WRN: variants seen among roughly 807,000 people sequenced by gnomAD.
The protein encoded by WRN is WRN RecQ like helicase.
Under a neutral mutation model 180.7 loss-of-function variants are expected in WRN, and 149 were observed. That is an observed-to-expected ratio of 0.82 (90% CI 0.72 to 0.94). WRN has a LOEUF of 0.94. Among genes scored for constraint, WRN ranks in the 40% least tolerant of loss-of-function variants. The pLI, the probability that WRN is intolerant of heterozygous loss-of-function variation, is 0.00. For synonymous variants in WRN, 548 were observed against 568.9 expected (o/e 0.96, Z 0.52); for missense variants, 1,661 against 1,700.1 (o/e 0.98, Z 0.40).
chr8:31,057,660 G>A (rs1292504031), intron 1 of WRN, among the ~76,000 whole-genome samples: 1 of 152,080 alleles, frequency 6.6e-6, no homozygotes, highest in Non-Finnish European at 1.5e-5. Flanking sequence ...TAAGAACTAA[G>A]CCTTGAACTA....
At chr8:31,157,971 G>C (rs925564134) in intron 33 of WRN, among the ~76,000 whole-genome samples, 1 of 151,954 alleles carries the variant, frequency 6.6e-6, no homozygotes, top group Non-Finnish European at 1.5e-5. Context: ...CTGATGATCC[G>C]CCCACCTCAG....
At position 31,154,612 on chromosome 8, in the gene WRN, A is replaced by C. The variant is rs1563385319; in HGVS notation, c.3688-12A>C. On this transcript the variant is annotated splice_polypyrimidine_tract_variant and intron_variant, in intron 31 of 34. Transcript: ENST00000298139. ...ATTACTGATCATTTGTGCTACATTA[A>C]AAATTCTGTAGACAGACCTCTTTTC... is the stretch of plus-strand genomic sequence containing the variant. 1.2e-6 allele frequency: 2 copies of C among 1,608,696 alleles called. No individual in the cohort carries two copies. The highest frequency in any genetic ancestry group is 1.7e-5 in the Admixed American group (1 of 59,570).
chr8:31,149,972 A>G (rs1482326356), intron 30 of WRN, among the ~76,000 whole-genome samples: 3 of 152,212 alleles, frequency 2.0e-5, no homozygotes, highest in Non-Finnish European at 4.4e-5. Context: ...AGATTTTCTT[A>G]GCCTCTTAGT....
intron 1 of WRN, among the ~76,000 whole-genome samples, chr8:31,056,664 C>T (rs1812287498): frequency 6.6e-6 from 1 of 152,126 alleles, no homozygotes; most frequent in Admixed American, 6.5e-5. Context: ...TGTATGAACA[C>T]TCTAGTTTTA....
Position 31,116,460 on chromosome 8 carries a change from T to C in WRN, c.2380T>C (p.Tyr794His), listed in dbSNP as rs1354121013. 1.9e-6 allele frequency: 3 copies of C among 1,614,030 alleles called. No homozygotes were observed. The highest frequency in any genetic ancestry group is 2.5e-6 in the Non-Finnish European group (3 of 1,179,946). ...GAAACTGAATCTATCCTGTGGAACA[T>C]ACCATGCGGGCATGAGTTTTAGCAC... ...LRKLNLSCGT[Y>H]HAGMSFSTRK... The change falls in exon 20 of 35, where the codon TAC (tyrosine) becomes CAC (histidine). Residue 794 changes from tyrosine (Y) to histidine (H), a missense_variant. Coordinates refer to ENST00000298139, the MANE Select transcript of WRN (RefSeq NM_000553.6).
At chr8:31,170,502 C>T (rs1314684263) in intron 34 of WRN, among the ~76,000 whole-genome samples, 1 of 151,972 alleles carries the variant, frequency 6.6e-6, no homozygotes, top group African/African-American at 2.4e-5. Flanking sequence ...GTATCAGGCT[C>T]GGTAACTAAA....
rs1257194359 is a variant in WRN at position 31,175,162 on chromosome 8, C to T, written c.*2060C>T. On this transcript the variant is annotated 3_prime_UTR_variant, in exon 35 of 35. Transcript: ENST00000298139. ...TTAAGAAATCATGACTGAGGCCGGG[C>T]GCGGTGGCTCACGCCTGTAATCCCA... Among the ~76,000 whole-genome samples the T allele has an allele frequency of 5.3e-5, 8 of 151,976 alleles. No homozygotes were observed. The highest frequency in any genetic ancestry group is 3.9e-4 in the Admixed American group (6 of 15,260).
rs141480904 is a variant in WRN, at chr8:31,065,045, A to G, written c.486A>G (p.Thr162=). The G allele has an allele frequency of 3.5e-5, 56 of 1,613,334 alleles. No homozygotes were observed. The highest frequency in any genetic ancestry group is 4.6e-5 in the Non-Finnish European group (54 of 1,179,662). The change falls in exon 5 of 35, where the codon ACA becomes ACG. Residue 162 remains threonine, a synonymous_variant. Coordinates refer to ENST00000298139, the MANE Select transcript of WRN (RefSeq NM_000553.6). ...DIKLKNFVEL[T]DVANKKLKCT... The stretch of plus-strand genomic sequence containing the variant: ...AATTGAAGAATTTTGTGGAGTTGAC[A>G]GATGTTGCCAATAAAAAGGTAAAAG...
chr8:31,073,346 C>T (rs886713335), intron 7 of WRN, among the ~76,000 whole-genome samples: 3 of 152,116 alleles, frequency 2.0e-5, no homozygotes, highest in African/African-American at 7.2e-5. Context: ...CTGATGAATT[C>T]CCTGTAAGGG....
rs1184733926 is a variant in WRN at position 31,173,844 on chromosome 8, C to A, written c.*742C>A. On this transcript the variant is annotated 3_prime_UTR_variant, in exon 35 of 35. Coordinates refer to ENST00000298139, the MANE Select transcript of WRN (RefSeq NM_000553.6). ...GGATGTCAGAATTTGATTCTAATCT[C>A]TCTTATGTAGCACATGTGACTTAAT... 6.6e-6 allele frequency: 1 copy of A among 152,220 alleles called. No homozygotes were observed. The highest frequency in any genetic ancestry group is 1.5e-5 in the Non-Finnish European group (1 of 68,134). The allele number at this position is 152,220 out of a possible 1,614,324, so 9.4% of individuals were successfully genotyped here.
At chr8:31,066,992 C>A in intron 5 of WRN, 41 bp from the exon 6 acceptor site, 1 of 1,610,854 alleles carries the variant, frequency 6.2e-7, no homozygotes, top group Non-Finnish European at 8.5e-7. Context: ...TACCTGAAAA[C>A]AGGAACTGAT....
chr8:31,169,110 G>C (rs781672874), intron 34 of WRN, among the ~76,000 whole-genome samples: 1 of 151,056 alleles, frequency 6.6e-6, no homozygotes, highest in Non-Finnish European at 1.5e-5. Flanking sequence ...TCTTCTTCAG[G>C]AACTCCTGCT....
intron 23 of WRN, among the ~76,000 whole-genome samples, chr8:31,130,179 CA>C (rs5890555): frequency 0.98 from 148,538 of 151,754 alleles, 72,787 homozygotes; most frequent in East Asian, 1. Context: ...ATAACAACAA[CA>C]AAAAAAACTG....
chr8:31,157,427 A>T lies in WRN; in HGVS notation c.3879A>T (p.Gln1293His). Residue 1293 changes from glutamine (Q) to histidine (H), a missense_variant, in exon 33 of 35, where the codon CAA becomes CAT. Gln to His is a conservative substitution (Grantham distance 24). Around this residue, in one of 3 missense-constraint regions of WRN, gnomAD observed 1,141 missense variants for 1,149.4 expected, o/e 0.99. Coordinates refer to ENST00000298139, the MANE Select transcript of WRN (RefSeq NM_000553.6). ...PLMTIGMHLS[Q>H]AVKAGCPLDL... is the part of the protein sequence containing the mutation. The stretch of plus-strand genomic sequence containing the variant: ...TGACAATTGGCATGCACTTATCCCA[A>T]GCGGTGAAAGCTGGCTGCCCCCTTG... The T allele has an allele frequency of 6.2e-7, 1 of 1,614,070 alleles. No homozygotes were observed. The highest frequency in any genetic ancestry group is 8.5e-7 in the Non-Finnish European group (1 of 1,180,020).
chr8:31,058,311 C>CA, intron 1 of WRN, 61 bp from the exon 2 acceptor site: 1 of 721,432 alleles, frequency 1.4e-6, no homozygotes, highest in South Asian at 1.6e-5. Flanking sequence ...ACCTAGGTGT[C>CA]ATAACTTACT....
intron 24 of WRN, among the ~76,000 whole-genome samples, chr8:31,133,937 A>G (rs527681125): frequency 5.3e-5 from 8 of 152,298 alleles, no homozygotes; most frequent in African/African-American, 1.7e-4. Context: ...TCCTTGACAA[A>G]CTTGAACTGG....
In WRN at chr8:31,059,529, G is replaced by A. The variant is rs576981043; in HGVS notation, c.209+264G>A. On this transcript the variant is annotated intron_variant, in intron 3 of 34. Transcript: ENST00000298139. ...TTTTTAATATATGTGCTGCTGAAGC[G>A]AGCACGACAGTTTTTTAACTTTCAG... Among the ~76,000 whole-genome samples the A allele has an allele frequency of 1.9e-4, 29 of 152,028 alleles. 1 individual carries two copies. The South Asian group carries it at 5.2e-3, about 27-fold the overall frequency.
intron 34 of WRN, among the ~76,000 whole-genome samples, 191 bp downstream of exon 34, chr8:31,167,421 G>T (rs1803943967): frequency 6.6e-6 from 1 of 152,006 alleles, no homozygotes; most frequent in African/African-American, 2.4e-5. Flanking sequence ...TAAAAGGGAG[G>T]TTTAGTCCAT....
chr8:31,087,725 G>T (rs781491236), intron 11 of WRN, 51 bp from the exon 12 acceptor site: 3 of 1,578,020 alleles, frequency 1.9e-6, no homozygotes, highest in Admixed American at 1.7e-5. Context: ...TGGTGAAAAA[G>T]ATACGACACT....
Sources: gnomAD v4.1 joint callset for allele counts (sites outside exome capture counted in the v4.1 genomes callset) on GRCh38, gnomAD v4.1.1 for gene constraint, gnomAD v4.1.1 regional missense constraint, MANE v1.5 for transcripts, NCBI Gene and HGNC (gene_info 2026-07-23, HGNC 2026-07-21) for gene names.